ZHX2: variants seen among roughly 807,000 people sequenced by gnomAD.
ZHX2 encodes the protein zinc fingers and homeoboxes 2, also known as zinc fingers and homeoboxes protein 2.
Under a neutral mutation model 21.9 loss-of-function variants are expected in ZHX2, and 6 were observed. The ratio of observed to expected loss-of-function variants is 0.27; its 90% CI spans 0.15 to 0.54. The LOEUF is 0.54. ZHX2 is among the 20% of genes least tolerant of loss of function. ZHX2 has a pLI of 0.95. For missense variants in ZHX2, 908 were observed against 1,090.7 expected (o/e 0.83, Z 2.36); for synonymous variants, 434 against 437.1 (o/e 0.99, Z 0.09).
intron 1 of ZHX2, among the ~76,000 whole-genome samples, chr8:122,842,705 C>G (rs1475639956): frequency 6.6e-6 from 1 of 151,122 alleles, no homozygotes; most frequent in Non-Finnish European, 1.5e-5. Flanking sequence ...GAGACTCCAT[C>G]TCAAAAAAAA....
chr8:122,926,998 T>A (rs150773236), intron 2 of ZHX2, among the ~76,000 whole-genome samples: 33 of 152,332 alleles, frequency 2.2e-4, no homozygotes, highest in African/African-American at 7.7e-4. Flanking sequence ...CATCTTTTTT[T>A]GGCATATAAG....
At chr8:122,884,289 T>C (rs1194531684) in intron 2 of ZHX2, among the ~76,000 whole-genome samples, 1 of 152,216 alleles carries the variant, frequency 6.6e-6, no homozygotes, top group Non-Finnish European at 1.5e-5. Context: ...CTCCGTTCAG[T>C]CGGATAAAGT....
intron 1 of ZHX2, among the ~76,000 whole-genome samples, chr8:122,785,835 G>A (rs1817383930): frequency 6.6e-6 from 1 of 152,188 alleles, no homozygotes; most frequent in Admixed American, 6.5e-5. Context: ...CCAGGCTTGG[G>A]GGTGCACATG....
At chr8:122,944,652 G>A (rs567194261) in intron 2 of ZHX2, among the ~76,000 whole-genome samples, 8 of 152,212 alleles carry the variant, frequency 5.3e-5, no homozygotes, top group South Asian at 2.1e-4. Flanking sequence ...TCCATCCACC[G>A]CTGTATCTTC....
intron 2 of ZHX2, among the ~76,000 whole-genome samples, chr8:122,864,820 C>T (rs953594288): frequency 6.6e-6 from 1 of 152,126 alleles, no homozygotes; most frequent in Admixed American, 6.5e-5. Context: ...GGGGAAGTTA[C>T]GCAGGAGGGA....
chr8:122,799,012 GA>G (rs1283588615), intron 1 of ZHX2, among the ~76,000 whole-genome samples: 1 of 152,188 alleles, frequency 6.6e-6, no homozygotes, highest in Non-Finnish European at 1.5e-5. Flanking sequence ...TCTAGGCTGT[GA>G]ATTGCCCAGG....
chr8:122,805,990 T>C (rs1468833230), intron 1 of ZHX2, among the ~76,000 whole-genome samples: 1 of 152,230 alleles, frequency 6.6e-6, no homozygotes, highest in Non-Finnish European at 1.5e-5. Flanking sequence ...TATCACCTCC[T>C]CTGGGAAGCC....
intron 2 of ZHX2, among the ~76,000 whole-genome samples, chr8:122,882,592 C>T (rs1819738617): frequency 6.6e-6 from 1 of 152,166 alleles, no homozygotes; most frequent in African/African-American, 2.4e-5. Flanking sequence ...ACTTCCTGAG[C>T]GCTCCTCAGC....
intron 2 of ZHX2, among the ~76,000 whole-genome samples, chr8:122,918,946 CAA>C (rs79202862): frequency 1.9e-4 from 14 of 74,194 alleles, no homozygotes; most frequent in Non-Finnish European, 2.0e-4. Flanking sequence ...GACTCCACCT[CAA>C]AAAAAAAAAA....
In ZHX2 at chr8:122,955,073, G is replaced by GA. The variant is rs1488853811; in HGVS notation, c.*4+1045_*4+1046insA. 9.1e-5 allele frequency among the ~76,000 whole-genome samples: 13 copies of GA among 142,786 alleles called. 1 individual carries two copies. Among genetic ancestry groups the GA allele is most frequent in the African/African-American group, 2.8e-4 (11 of 38,632 alleles). The allele number at this position is 142,786 out of a possible 152,430, so 93.7% of individuals were successfully genotyped here. A position where few individuals can be genotyped will look rare whatever the true frequency, so the allele number is the denominator to read the frequency against. ...GGCCTGTAGAGTCACATAAGCCGGG[G>GA]GGGGGGGGGTGGCAGGGCGGTTTCC... On this transcript the variant is annotated intron_variant, in intron 3 of 3. Coordinates refer to ENST00000314393, the MANE Select transcript of ZHX2 (RefSeq NM_014943.5).
At chr8:122,891,108 GAGA>G (rs1819964458) in intron 2 of ZHX2, among the ~76,000 whole-genome samples, 2 of 152,126 alleles carry the variant, frequency 1.3e-5, no homozygotes, top group Admixed American at 6.6e-5. Flanking sequence ...GGACTAGTTT[GAGA>G]AGAATTGGTG....
chr8:122,829,815 T>C (rs1818333305), intron 1 of ZHX2, among the ~76,000 whole-genome samples: 2 of 152,196 alleles, frequency 1.3e-5, no homozygotes, highest in South Asian at 4.1e-4. Flanking sequence ...TAAGGTGAGT[T>C]TGGAGAGACA....
In ZHX2 at chr8:122,953,218, A is replaced by G. The variant is rs751217403; in HGVS notation, c.1708A>G (p.Arg570Gly). ...DRLRVETKLS[R>G]REIDSWFSER... The stretch of plus-strand genomic sequence containing the variant: ...GCTAAGGGTGGAGACCAAGCTGAGC[A>G]GGAGAGAGATCGACTCCTGGTTCTC... The change falls in exon 3 of 4, where the codon AGG becomes GGG. Residue 570 changes from arginine to glycine, a missense_variant. Coordinates refer to ENST00000314393, the MANE Select transcript of ZHX2 (RefSeq NM_014943.5). This position sits in a 1 kb window ranked among gnomAD's most constrained non-coding sequence, Gnocchi z 4.6. 6.2e-7 allele frequency: 1 copy of G among 1,613,974 alleles called. No homozygotes were observed. The highest frequency in any genetic ancestry group is 2.2e-5 in the East Asian group (1 of 44,834).
chr8:122,785,125 C>A (rs1302114411), intron 1 of ZHX2, among the ~76,000 whole-genome samples: 1 of 152,240 alleles, frequency 6.6e-6, no homozygotes, highest in African/African-American at 2.4e-5. Flanking sequence ...AGGCATGATT[C>A]TTCTGCTCTG....
intron 3 of ZHX2, among the ~76,000 whole-genome samples, chr8:122,967,681 G>A (rs1046761536): frequency 3.3e-5 from 5 of 152,238 alleles, no homozygotes; most frequent in Admixed American, 6.5e-5. Flanking sequence ...GGTTAGCCAG[G>A]ATGTTGCAGG....
chr8:122,906,138 G>A (rs1231136463), intron 2 of ZHX2, among the ~76,000 whole-genome samples: 1 of 152,144 alleles, frequency 6.6e-6, no homozygotes, highest in African/African-American at 2.4e-5. Flanking sequence ...AAAATAATTT[G>A]TTTTCATAAT....
chr8:122,804,689 T>C (rs557555023), intron 1 of ZHX2, among the ~76,000 whole-genome samples: 1 of 152,272 alleles, frequency 6.6e-6, no homozygotes, highest in Admixed American at 6.5e-5. Context: ...GTGTTTTACT[T>C]GCATTTTCAC....
intron 3 of ZHX2, among the ~76,000 whole-genome samples, chr8:122,968,252 G>C (rs1334890993): frequency 6.6e-6 from 1 of 152,128 alleles, no homozygotes; most frequent in African/African-American, 2.4e-5. Context: ...TACTGTCTCT[G>C]AGCCTCCCTG....
chr8:122,817,649 A>G (rs932689960), intron 1 of ZHX2, among the ~76,000 whole-genome samples: 1 of 152,246 alleles, frequency 6.6e-6, no homozygotes, highest in Non-Finnish European at 1.5e-5. Context: ...ATGATCCTGC[A>G]CACTAAAATA....
Sources: gnomAD v4.1 joint callset for allele counts (sites outside exome capture counted in the v4.1 genomes callset) on GRCh38, gnomAD v4.1.1 for gene constraint, Gnocchi (gnomAD v3.1) non-coding constraint, MANE v1.5 for transcripts, NCBI Gene and HGNC (gene_info 2026-07-23, HGNC 2026-07-21) for gene names.